NFASC: variants seen among roughly 807,000 people sequenced by gnomAD.
NFASC encodes the protein neurofascin homolog.
Under a neutral mutation model 147.5 loss-of-function variants are expected in NFASC, and 43 were observed. The ratio of observed to expected loss-of-function variants is 0.29; its 90% CI spans 0.23 to 0.38. The LOEUF is 0.38. Ranked by LOEUF, NFASC falls within the 10% of genes least tolerant of loss-of-function variation. The probability of loss-of-function intolerance (pLI) is 1.00; values close to 1 mark genes in which losing one functional copy is unlikely to be tolerated. For missense variants in NFASC, 1,320 were observed against 1,689.0 expected (o/e 0.78, Z 3.83); for synonymous variants, 622 against 665.5 (o/e 0.93, Z 1.01).
intron 1 of NFASC, among the ~76,000 whole-genome samples, chr1:204,839,017 A>C (rs1473258890): frequency 2.0e-5 from 3 of 152,226 alleles, no homozygotes; most frequent in Non-Finnish European, 4.4e-5. Context: ...CTTACCATGA[A>C]CATGCTTGAT....
At chr1:204,922,526 T>C (rs938449676) in intron 2 of NFASC, among the ~76,000 whole-genome samples, 5 of 152,212 alleles carry the variant, frequency 3.3e-5, no homozygotes, top group Non-Finnish European at 7.3e-5. Context: ...TTCAGTGATA[T>C]GAGCAAGGCT....
chr1:204,957,592 A>G (rs2094487292), intron 7 of NFASC, 64 bp from the exon 8 acceptor site: 1 of 1,508,546 alleles, frequency 6.6e-7, no homozygotes, highest in Admixed American at 1.7e-5. Context: ...TGTCGCCAGG[A>G]CTGCGGTGGT....
At chr1:204,840,838 G>A (rs1264583381) in intron 1 of NFASC, among the ~76,000 whole-genome samples, 2 of 152,186 alleles carry the variant, frequency 1.3e-5, no homozygotes, top group African/African-American at 4.8e-5. Flanking sequence ...ACTGAATTAG[G>A]GATCAGAAGA....
chr1:204,974,292 T>C lies in NFASC; in HGVS notation c.1391+2T>C. On this transcript the variant is annotated splice_donor_variant, in intron 13 of 29. Coordinates refer to ENST00000339876, the MANE Select transcript of NFASC (RefSeq NM_001005388.3). LOFTEE classifies it high-confidence loss of function. ...GTCTCCCATCCCCACACTGCGATGG[T>C]AAGTTCCAGGAGATCAGGCCTTCCA... is the stretch of plus-strand genomic sequence containing the variant. The C allele has an allele frequency of 6.2e-7, 1 of 1,610,046 alleles. No individual in the cohort carries two copies. The highest frequency in any genetic ancestry group is 8.5e-7 in the Non-Finnish European group (1 of 1,176,468).
chr1:204,862,360 G>A (rs1045718336), intron 1 of NFASC, among the ~76,000 whole-genome samples: 1 of 152,224 alleles, frequency 6.6e-6, no homozygotes, highest in Non-Finnish European at 1.5e-5. Flanking sequence ...ACTGGTGGGT[G>A]CATTGTTGGA....
intron 2 of NFASC, among the ~76,000 whole-genome samples, chr1:204,936,907 G>A (rs754802337): frequency 2.6e-5 from 4 of 152,192 alleles, no homozygotes; most frequent in South Asian, 2.1e-4. Flanking sequence ...TTGTCCTTGC[G>A]CCCTCCAAGC....
chr1:204,868,154 C>T (rs1314062928), intron 1 of NFASC, among the ~76,000 whole-genome samples: 2 of 152,380 alleles, frequency 1.3e-5, no homozygotes, highest in East Asian at 3.9e-4. Context: ...TAGTTACAGT[C>T]AGTGAGCAAA....
chr1:204,931,350 C>G (rs1005692575), intron 2 of NFASC, among the ~76,000 whole-genome samples: 1 of 152,246 alleles, frequency 6.6e-6, no homozygotes, highest in Non-Finnish European at 1.5e-5. Flanking sequence ...CAGCTCCTCT[C>G]TCTCAGTCCT....
rs2096355740 is a variant in NFASC, at chr1:205,016,083, C to T, written c.3492-225C>T. On this transcript the variant is annotated intron_variant, in intron 29 of 29. Coordinates refer to ENST00000339876, the MANE Select transcript of NFASC (RefSeq NM_001005388.3). The surrounding 1 kb of genome is among the most constrained non-coding windows in gnomAD (Gnocchi z 5.1). Reference sequence around the variant, plus strand: ...GGAGCCCAAAAGCATGGGCTCCACTCCCTGCCCTGCCCTGACCTGCAACCT... The same window carrying T: ...GGAGCCCAAAAGCATGGGCTCCACTTCCTGCCCTGCCCTGACCTGCAACCT... 6.6e-6 allele frequency among the ~76,000 whole-genome samples: 1 copy of T among 152,220 alleles called. No homozygotes were observed. The highest frequency in any genetic ancestry group is 1.5e-5 in the Non-Finnish European group (1 of 68,042).
chr1:204,962,029 A>G, intron 8 of NFASC: 1 of 1,126,354 alleles, frequency 8.9e-7, no homozygotes, highest in Non-Finnish European at 1.3e-6. Flanking sequence ...CTGGCTTTGC[A>G]TTTGTTTTCT....
At chr1:205,003,908 T>G (rs2096054792) in intron 27 of NFASC, among the ~76,000 whole-genome samples, 1 of 152,164 alleles carries the variant, frequency 6.6e-6, no homozygotes, top group African/African-American at 2.4e-5. Context: ...TCCTGCACAT[T>G]TGCATGCCAT....
chr1:204,864,128 ATTTG>A (rs2076926861), intron 1 of NFASC, among the ~76,000 whole-genome samples: 1 of 152,098 alleles, frequency 6.6e-6, no homozygotes, highest in South Asian at 2.1e-4. Flanking sequence ...ATCATACAGT[ATTTG>A]TTCTTTTGTG....
chr1:204,895,632 G>A (rs1280508533), intron 1 of NFASC, among the ~76,000 whole-genome samples: 3 of 152,148 alleles, frequency 2.0e-5, no homozygotes, highest in Admixed American at 6.5e-5. Flanking sequence ...CTCCAGAAAT[G>A]CATTGCCTAT....
rs1352640788 is a variant in NFASC, at chr1:204,987,400, C to G, written c.2471-18C>G. ...CCCCCTCCCCCTCATCTCCCCTGCTCTCTCCTCCTTCCCCAAGTACCCAGT... is the reference window on the plus strand; with the variant it reads ...CCCCCTCCCCCTCATCTCCCCTGCTGTCTCCTCCTTCCCCAAGTACCCAGT... On this transcript the variant is annotated intron_variant, in intron 21 of 29. Coordinates refer to ENST00000339876, the MANE Select transcript of NFASC (RefSeq NM_001005388.3). The surrounding 1 kb of genome is among the most constrained non-coding windows in gnomAD (Gnocchi z 4.4). 1.2e-6 allele frequency: 2 copies of G among 1,611,934 alleles called. No homozygotes were observed. The highest frequency in any genetic ancestry group is 1.3e-5 in the African/African-American group (1 of 74,856).
At chr1:204,982,696 C>G (rs367948019) in intron 21 of NFASC, among the ~76,000 whole-genome samples, 1 of 152,214 alleles carries the variant, frequency 6.6e-6, no homozygotes, top group South Asian at 2.1e-4. Context: ...TCTCTGTCCC[C>G]AGCACATCAA....
chr1:204,853,091 A>G (rs898320584), intron 1 of NFASC, among the ~76,000 whole-genome samples: 25 of 152,052 alleles, frequency 1.6e-4, no homozygotes, highest in Non-Finnish European at 2.1e-4. Context: ...TGCTGTGGAA[A>G]GCCTAAACCC....
rs150211705 is a variant in NFASC at position 204,850,121 on chromosome 1, A to G, written c.-200+21339A>G. On this transcript the variant is annotated intron_variant, in intron 1 of 29. Coordinates refer to ENST00000339876, the MANE Select transcript of NFASC (RefSeq NM_001005388.3). ...CTAATCCTTGCTCTGCTCTGACTTA[A>G]TGGGTGGCCCCAGGTGACCTCTCTA... is the stretch of plus-strand genomic sequence containing the variant. Among the ~76,000 whole-genome samples, 55 of 152,272 alleles carry G rather than the reference A, an allele frequency of 3.6e-4. No individual in the cohort carries two copies. In the East Asian group the frequency reaches 9.3e-3, roughly 26 times the overall value.
intron 1 of NFASC, among the ~76,000 whole-genome samples, chr1:204,894,879 T>C (rs369852804): frequency 2.6e-5 from 4 of 152,212 alleles, no homozygotes; most frequent in African/African-American, 9.6e-5. Context: ...CCAGAAGTTC[T>C]AGTGATTCCC....
chr1:204,853,162 A>C (rs2075846987), intron 1 of NFASC, among the ~76,000 whole-genome samples: 1 of 151,592 alleles, frequency 6.6e-6, no homozygotes, highest in African/African-American at 2.4e-5. Context: ...TTTCTAAAAC[A>C]TAGATTATCC....
Sources: allele counts gnomAD v4.1 joint callset (sites outside exome capture counted in the v4.1 genomes callset), GRCh38; gene constraint gnomAD v4.1.1; non-coding constraint Gnocchi (gnomAD v3.1); transcripts MANE v1.5; gene names NCBI Gene and HGNC (gene_info 2026-07-23, HGNC 2026-07-21).